Variants in TDRD6 observed in about 807,000 individuals in gnomAD.
TDRD6 encodes the protein tudor domain containing 6, also known as tudor domain-containing protein 6.
In TDRD6, 186 loss-of-function variants were observed where a neutral mutation model predicts 157.5. The observed-to-expected ratio is 1.18, with a 90% CI of 1.05 to 1.33. TDRD6 has a LOEUF of 1.33. Ranked by LOEUF, TDRD6 falls within the 40% of genes most tolerant of loss-of-function variation. The probability of loss-of-function intolerance (pLI) is 0.00; values close to 1 mark genes in which losing one functional copy is unlikely to be tolerated. For missense variants in TDRD6, 3,066 were observed against 2,508.0 expected, an observed-to-expected ratio of 1.22 and a Z score of -4.75; for synonymous variants, 1,075 against 945.2, an observed-to-expected ratio of 1.14 and a Z score of -2.52.
At position 46,698,068 on chromosome 6, in the gene TDRD6, T is replaced by A; in HGVS notation, c.6242T>A (p.Leu2081Ter). Reference protein sequence around the residue: ...PENVWNGIPKLDKSPPEKRGL... With the variant: ...PENVWNGIPK ...AATGTCTGGAATGGCATACCCAAATTGGATAAGAGTCCACCTGAGGTATGG... is the reference window on the plus strand; with the variant it reads ...AATGTCTGGAATGGCATACCCAAATAGGATAAGAGTCCACCTGAGGTATGG... The change falls in exon 3 of 4, where the codon TTG becomes TAG. Residue 2081 changes from leucine to a stop codon, truncating the protein, a stop_gained. Coordinates refer to ENST00000316081, the MANE Select transcript of TDRD6 (RefSeq NM_001010870.3). LOFTEE classifies it high-confidence loss of function. 1 of 1,608,128 alleles carries A rather than the reference T, an allele frequency of 6.2e-7. No homozygotes were observed. The highest frequency in any genetic ancestry group is 8.5e-7 in the Non-Finnish European group (1 of 1,175,576).
chr6:46,686,010 G>T (rs1371985481), upstream of TDRD6, among the ~76,000 whole-genome samples: 1 of 152,134 alleles, frequency 6.6e-6, no homozygotes, highest in Non-Finnish European at 1.5e-5. Context: ...TACAGAAAAG[G>T]TAGGACATTG....
At chr6:46,701,355 AT>A (rs1298961887) in intron 3 of TDRD6, among the ~76,000 whole-genome samples, 2 of 152,172 alleles carry the variant, frequency 1.3e-5, no homozygotes, top group African/African-American at 4.8e-5. Flanking sequence ...TAATTAGCTC[AT>A]ATGTTCAAAT....
chr6:46,690,606 G>A lies in TDRD6; in HGVS notation c.2478G>A (p.Lys826=), dbSNP rs1764279543. The A allele has an allele frequency of 2.5e-6, 4 of 1,614,072 alleles. No homozygotes were observed. Among genetic ancestry groups the A allele is most frequent in the African/African-American group, 2.7e-5 (2 of 74,930 alleles). The change falls in exon 1 of 4, where the codon AAG becomes AAA. Residue 826 remains lysine (K), a synonymous_variant. Transcript: ENST00000316081. ...GAAACACCCTTGCTTGTTTGGCTAAGCGAACAGTAAACAGACAGTGGTCCA... is the reference window on the plus strand; with the variant it reads ...GAAACACCCTTGCTTGTTTGGCTAAACGAACAGTAAACAGACAGTGGTCCA... The part of the protein sequence containing the change: ...HQRNTLACLA[K]RTVNRQWSRA...
In TDRD6 at chr6:46,688,331, C is replaced by G; in HGVS notation, c.203C>G (p.Ser68Trp). The G allele has an allele frequency of 1.3e-6, 2 of 1,525,252 alleles. No individual in the cohort carries two copies. The highest frequency in any genetic ancestry group is 2.0e-5 in the Admixed American group (1 of 50,042). 94.5% of individuals were successfully genotyped at this position (1,525,252 alleles called of 1,614,324 possible). ...GQWALGSASA[S>W]PGELCLVQVG... ...TGGGCGCTGGGCAGCGCCTCGGCCT[C>G]GCCCGGCGAGCTGTGCCTGGTGCAG... is the stretch of plus-strand genomic sequence containing the variant. The change falls in exon 1 of 4, where the codon TCG becomes TGG. Residue 68 changes from serine to tryptophan, a missense_variant. By Grantham distance (177) the Ser-to-Trp change is radical. Transcript: ENST00000316081.
chr6:46,688,986 A>G lies in TDRD6; in HGVS notation c.858A>G (p.Val286=). The change falls in exon 1 of 4, where the codon GTA becomes GTG. Residue 286 remains valine (V), a synonymous_variant. Coordinates refer to ENST00000316081, the MANE Select transcript of TDRD6 (RefSeq NM_001010870.3). ...GCCTCTCCGAGAGCATGGCCCAGGTATACCGGGGTTCCACGGGGACAGGGG... is the reference window on the plus strand; with the variant it reads ...GCCTCTCCGAGAGCATGGCCCAGGTGTACCGGGGTTCCACGGGGACAGGGG... ...IHRLSESMAQ[V]YRGSTGTGDE... is the part of the protein sequence containing the mutation. The G allele has an allele frequency of 1.2e-6, 2 of 1,613,756 alleles. No individual in the cohort carries two copies. The highest frequency in any genetic ancestry group is 2.2e-5 in the South Asian group (2 of 91,046).
Position 46,690,210 on chromosome 6 carries a change from G to T in TDRD6, c.2082G>T (p.Glu694Asp), listed in dbSNP as rs778532419. The T allele has an allele frequency of 1.2e-6, 2 of 1,613,808 alleles. No individual in the cohort carries two copies. Among genetic ancestry groups the T allele is most frequent in the African/African-American group, 2.7e-5 (2 of 74,936 alleles). ...PGHVSNHFTT[E>D]SNKIPFAKTG... ...ATGTTTCAAACCACTTTACTACGGA[G>T]AGTAACAAAATACCTTTTGCCAAGA... is the stretch of plus-strand genomic sequence containing the variant. The change falls in exon 1 of 4, where the codon GAG becomes GAT. Residue 694 changes from glutamate to aspartate, a missense_variant. Glu to Asp is a conservative substitution (Grantham distance 45, BLOSUM62 2). Transcript: ENST00000316081.
At position 46,692,293 on chromosome 6, in the gene TDRD6, G is replaced by C; in HGVS notation, c.4165G>C (p.Asp1389His). The change falls in exon 1 of 4, where the codon GAT (aspartate) becomes CAT (histidine). Residue 1389 changes from aspartate to histidine, a missense_variant. By Grantham distance (81) the Asp-to-His change is moderately conservative. Coordinates refer to ENST00000316081, the MANE Select transcript of TDRD6 (RefSeq NM_001010870.3). The stretch of plus-strand genomic sequence containing the variant: ...TGACCTTCTCTCTGTGCAGTTTATA[G>C]ATTATGGCAATGTTTCTGTGGTTCA... ...PNDLLSVQFI[D>H]YGNVSVVHTN... is the part of the protein sequence containing the mutation. The C allele has an allele frequency of 6.2e-7, 1 of 1,614,118 alleles. No individual in the cohort carries two copies. The highest frequency in any genetic ancestry group is 8.5e-7 in the Non-Finnish European group (1 of 1,180,014).
rs542687169 is a variant in TDRD6 at position 46,700,148 on chromosome 6, ACAAGATT to A, written c.6262-1707_6262-1701del. On this transcript the variant is annotated intron_variant, in intron 3 of 3. Transcript: ENST00000316081. Reference sequence around the variant, plus strand: ...CAGCCAAATGCATACATATGTACATACAAGATTCAGTTTGGATAAAGTTCTCTATGCC... The same window carrying A: ...CAGCCAAATGCATACATATGTACATACAGTTTGGATAAAGTTCTCTATGCC... 2.7e-4 allele frequency among the ~76,000 whole-genome samples: 41 copies of A among 152,326 alleles called. No individual in the cohort carries two copies. In the East Asian group the frequency reaches 5.8e-3, roughly 21 times the overall value.
At chr6:46,687,336 G>T (rs1184481956), upstream of TDRD6, among the ~76,000 whole-genome samples, 1 of 152,196 alleles carries the variant, frequency 6.6e-6, no homozygotes, top group Non-Finnish European at 1.5e-5. Flanking sequence ...TCAGCTAAGT[G>T]TGGGAAGGGA....
At position 46,703,071 on chromosome 6, in the gene TDRD6, A is replaced by G. The variant is rs1457977893; in HGVS notation, c.*1184A>G. ...TCAATAGTTATTTTCTCCTTTCAGC[A>G]TCAGCATGCGCCACCAACAAAAGAC... On this transcript the variant is annotated 3_prime_UTR_variant, in exon 4 of 4. Coordinates refer to ENST00000316081, the MANE Select transcript of TDRD6 (RefSeq NM_001010870.3). The G allele has an allele frequency of 6.6e-6, 1 of 152,118 alleles. No individual in the cohort carries two copies. Among genetic ancestry groups the G allele is most frequent in the Non-Finnish European group, 1.5e-5 (1 of 67,980 alleles). 9.4% of individuals were successfully genotyped at this position (152,118 alleles called of 1,614,324 possible).
At position 46,693,290 on chromosome 6, in the gene TDRD6, G is replaced by C. The variant is rs751605159; in HGVS notation, c.5162G>C (p.Gly1721Ala). ...NIDSEIKQTLGSYNLDVGLKK... is the reference protein window; with the variant it reads ...NIDSEIKQTLASYNLDVGLKK... ...GACTCAGAGATAAAGCAGACTCTTG[G>C]GTCCTACAATCTTGATGTAGGACTT... is the stretch of plus-strand genomic sequence containing the variant. The change falls in exon 1 of 4, where the codon GGG becomes GCG. Residue 1721 changes from glycine to alanine, a missense_variant. Gly to Ala is a moderately conservative substitution (Grantham distance 60). Coordinates refer to ENST00000316081, the MANE Select transcript of TDRD6 (RefSeq NM_001010870.3). The C allele has an allele frequency of 6.2e-7, 1 of 1,611,940 alleles. No individual in the cohort carries two copies. Among genetic ancestry groups the C allele is most frequent in the Admixed American group, 1.7e-5 (1 of 59,452 alleles).
chr6:46,680,861 T>G, the TDRD6 span, among the ~76,000 whole-genome samples: 16 of 152,146 alleles, frequency 1.1e-4, no homozygotes, highest in African/African-American at 3.6e-4. Flanking sequence ...CACCTATTCA[T>G]CTTTATTTGT....
chr6:46,681,900 G>A, the TDRD6 span, among the ~76,000 whole-genome samples: 3 of 152,170 alleles, frequency 2.0e-5, no homozygotes, highest in South Asian at 4.2e-4. Flanking sequence ...TTCGAATAGT[G>A]GGGAGGGAAT....
chr6:46,680,951 C>A, the TDRD6 span, among the ~76,000 whole-genome samples: 5 of 152,146 alleles, frequency 3.3e-5, no homozygotes, highest in African/African-American at 1.2e-4. Flanking sequence ...TTCAGTACCC[C>A]CTTTCTCCCA....
At position 46,689,134 on chromosome 6, in the gene TDRD6, C is replaced by G. The variant is rs746421668; in HGVS notation, c.1006C>G (p.Arg336Gly). 1.9e-6 allele frequency: 3 copies of G among 1,614,146 alleles called. No individual in the cohort carries two copies. The highest frequency in any genetic ancestry group is 2.5e-6 in the Non-Finnish European group (3 of 1,180,050). The change falls in exon 1 of 4, where the codon CGG becomes GGG. Residue 336 changes from arginine (R) to glycine (G), a missense_variant. Physicochemically the swap from Arg to Gly is moderately radical, Grantham distance 125 (BLOSUM62 -2). Coordinates refer to ENST00000316081, the MANE Select transcript of TDRD6 (RefSeq NM_001010870.3). ...WYRALLLETF[R>G]PQRCAQVLHV... is the part of the protein sequence containing the mutation. ...CAGAGCACTGTTGCTTGAGACTTTT[C>G]GGCCCCAGCGCTGTGCCCAGGTGCT...
chr6:46,692,899 A>G lies in TDRD6; in HGVS notation c.4771A>G (p.Asn1591Asp), dbSNP rs368905759. 2.5e-6 allele frequency: 4 copies of G among 1,614,010 alleles called. No individual in the cohort carries two copies. Among genetic ancestry groups the G allele is most frequent in the Non-Finnish European group, 3.4e-6 (4 of 1,180,014 alleles). ...ACATTATTATAGGGCACTTATCACT[A>G]ATATTTGTGAAGATTATCTTGTATC... ...DGHYYRALITNICEDYLVSVR... is the reference protein window; with the variant it reads ...DGHYYRALITDICEDYLVSVR... The change falls in exon 1 of 4, where the codon AAT becomes GAT. Residue 1591 changes from asparagine (N) to aspartate (D), a missense_variant. Physicochemically the swap from Asn to Asp is conservative, Grantham distance 23. Coordinates refer to ENST00000316081, the MANE Select transcript of TDRD6 (RefSeq NM_001010870.3).
the TDRD6 span, among the ~76,000 whole-genome samples, chr6:46,682,418 A>C: frequency 6.6e-6 from 1 of 152,042 alleles, no homozygotes; most frequent in Non-Finnish European, 1.5e-5. Flanking sequence ...CTTTCTCCTT[A>C]AATCAGGAAC....
chr6:46,691,056 C>T lies in TDRD6; in HGVS notation c.2928C>T (p.Phe976=). ...LESSVQLHSY[F]YSTHDMKIGS... Reference sequence around the variant, plus strand: ...CCTCTGTTCAGCTACATTCCTACTTCTATTCTACACATGATATGAAAATTG... The same window carrying T: ...CCTCTGTTCAGCTACATTCCTACTTTTATTCTACACATGATATGAAAATTG... Residue 976 remains phenylalanine, a synonymous_variant, in exon 1 of 4, where the codon TTC becomes TTT. Transcript: ENST00000316081. The T allele has an allele frequency of 1.2e-6, 2 of 1,613,752 alleles. No homozygotes were observed. Among genetic ancestry groups the T allele is most frequent in the Non-Finnish European group, 1.7e-6 (2 of 1,179,844 alleles).
chr6:46,681,543 ACAG>A, the TDRD6 span: 1 of 471,000 alleles, frequency 2.1e-6, no homozygotes, highest in East Asian at 6.9e-5. Flanking sequence ...GTGATTGTCA[ACAG>A]CAGCAGGAGC....
Sources: gnomAD v4.1 joint callset for allele counts (sites outside exome capture counted in the v4.1 genomes callset) on GRCh38, gnomAD v4.1.1 for gene constraint, MANE v1.5 for transcripts, NCBI Gene and HGNC (gene_info 2026-07-23, HGNC 2026-07-21) for gene names.